Variants in ST3GAL1 observed in about 807,000 individuals in gnomAD.
ST3GAL1 encodes the protein ST3 beta-galactoside alpha-2,3-sialyltransferase 1, also known as CMP-N-acetylneuraminate-beta-galactosamide-alpha-2,3-sialyltransferase 1.
In ST3GAL1, 16 loss-of-function variants were observed where a neutral mutation model predicts 34.1. The ratio of observed to expected loss-of-function variants is 0.47; its 90% CI spans 0.32 to 0.71. The LOEUF is 0.71. ST3GAL1 is among the 30% of genes least tolerant of loss of function. The probability of loss-of-function intolerance (pLI) is 0.04; values close to 1 mark genes in which losing one functional copy is unlikely to be tolerated. For synonymous variants in ST3GAL1, 191 were observed against 184.7 expected (o/e 1.03, Z -0.28); for missense variants, 353 against 447.4 (o/e 0.79, Z 1.90).
At chr8:133,550,841 G>C (rs950626267) in intron 1 of ST3GAL1, among the ~76,000 whole-genome samples, 1 of 152,108 alleles carries the variant, frequency 6.6e-6, no homozygotes, top group African/African-American at 2.4e-5. Flanking sequence ...GCCACCTGAG[G>C]CTCCTTTCTA....
At chr8:133,465,713 C>T in intron 6 of ST3GAL1, 181 bp downstream of exon 6, 1 of 601,500 alleles carries the variant, frequency 1.7e-6, no homozygotes, top group East Asian at 2.9e-5. Flanking sequence ...TCCAATCCTG[C>T]AATGATGCAG....
At chr8:133,532,523 A>T (rs1818186937) in intron 2 of ST3GAL1, among the ~76,000 whole-genome samples, 1 of 152,222 alleles carries the variant, frequency 6.6e-6, no homozygotes, top group African/African-American at 2.4e-5. Context: ...CAAATGAAGT[A>T]CTAAATAAAT....
intron 3 of ST3GAL1, among the ~76,000 whole-genome samples, chr8:133,495,620 G>C (rs1391557095): frequency 6.6e-6 from 1 of 152,160 alleles, no homozygotes; most frequent in East Asian, 1.9e-4. Context: ...TACCTGGGTT[G>C]GGTTTGCAGC....
At chr8:133,520,265 G>T (rs1159939435) in intron 2 of ST3GAL1, among the ~76,000 whole-genome samples, 1 of 152,196 alleles carries the variant, frequency 6.6e-6, no homozygotes, top group Non-Finnish European at 1.5e-5. Context: ...GGGACAACTC[G>T]CAGCGGGGTG....
At chr8:133,522,136 A>G (rs1044874562) in intron 2 of ST3GAL1, among the ~76,000 whole-genome samples, 2 of 152,208 alleles carry the variant, frequency 1.3e-5, no homozygotes, top group Non-Finnish European at 2.9e-5. Flanking sequence ...AGAGCTATAT[A>G]GAATGGGGAA....
In ST3GAL1 at chr8:133,466,204, C is replaced by G. The variant is rs1424284943; in HGVS notation, c.307-114G>C. On this transcript the variant is annotated intron_variant, in intron 5 of 9. Transcript: ENST00000522652. The surrounding 1 kb of genome is among the most constrained non-coding windows in gnomAD (Gnocchi z 4.4). ...CTGGGGCCCTCCTGTTCACCCTTCT[C>G]TCTGCTGGGCCCCCGGAGATGGAGG... is the stretch of plus-strand genomic sequence containing the variant. 7 of 1,071,256 alleles carry G rather than the reference C, an allele frequency of 6.5e-6. No homozygotes were observed. The East Asian group carries it at 1.5e-4, about 24-fold the overall frequency. The allele number at this position is 1,071,256 out of a possible 1,614,324, so 66.4% of individuals were successfully genotyped here.
intron 1 of ST3GAL1, among the ~76,000 whole-genome samples, chr8:133,560,309 T>C (rs1400685775): frequency 6.6e-6 from 1 of 152,066 alleles, no homozygotes; most frequent in Non-Finnish European, 1.5e-5. Context: ...GCATGACAAC[T>C]TATAACAGAA....
At position 133,552,845 on chromosome 8, in the gene ST3GAL1, C is replaced by T. The variant is rs138671698; in HGVS notation, c.-581-6919G>A. On this transcript the variant is annotated intron_variant, in intron 1 of 9. Transcript: ENST00000522652. ...ATAGCAACCATAGGTTAAGTACAGA[C>T]AATGAGGCCAACAGCACGCAAAGCA... Among the ~76,000 whole-genome samples, 80 of 152,300 alleles carry T rather than the reference C, an allele frequency of 5.3e-4. No homozygotes were observed. In the East Asian group the frequency reaches 0.014, roughly 28 times the overall value.
chr8:133,490,180 A>T (rs1816744955), intron 3 of ST3GAL1, among the ~76,000 whole-genome samples: 1 of 152,136 alleles, frequency 6.6e-6, no homozygotes, highest in Admixed American at 6.5e-5. Flanking sequence ...CCTATGAGGG[A>T]GGTGACACCA....
At position 133,547,248 on chromosome 8, in the gene ST3GAL1, G is replaced by A. The variant is rs116900947; in HGVS notation, c.-581-1322C>T. Among the ~76,000 whole-genome samples the A allele has an allele frequency of 1.7e-4, 26 of 152,042 alleles. No individual in the cohort carries two copies. The East Asian group carries it at 4.8e-3, about 28-fold the overall frequency. The stretch of plus-strand genomic sequence containing the variant: ...GCTTTAAAAGTGCTTATACCTAAAA[G>A]TTCCTCTCTCTTGCTGCTGAGAATC... On this transcript the variant is annotated intron_variant, in intron 1 of 9. Coordinates refer to ENST00000522652, the MANE Select transcript of ST3GAL1 (RefSeq NM_173344.3).
rs141215537 is a variant in ST3GAL1 at position 133,561,473 on chromosome 8, G to C, written c.-582+10220C>G. 5.4e-3 allele frequency among the ~76,000 whole-genome samples: 822 copies of C among 152,120 alleles called. 8 individuals carry two copies. The highest frequency in any genetic ancestry group is 0.018 in the African/African-American group (762 of 41,494). ...TCTCTGACATCCTAATGCTAAAGCT[G>C]GTTCTTGGCCAAGTCAGCTTGTGGT... On this transcript the variant is annotated intron_variant, in intron 1 of 9. Coordinates refer to ENST00000522652, the MANE Select transcript of ST3GAL1 (RefSeq NM_173344.3).
chr8:133,500,379 A>G (rs67709527), intron 2 of ST3GAL1, among the ~76,000 whole-genome samples: 5,701 of 152,262 alleles, frequency 0.037, 119 homozygotes, highest in Middle Eastern at 0.075. Flanking sequence ...CTGACTCTCT[A>G]AAGAAACAAC....
intron 8 of ST3GAL1, among the ~76,000 whole-genome samples, chr8:133,462,507 T>C (rs1162167271): frequency 6.6e-6 from 1 of 152,184 alleles, no homozygotes; most frequent in Non-Finnish European, 1.5e-5. Context: ...CTGCCCAATG[T>C]CACACAGCCA....
chr8:133,554,152 A>G (rs1818939600), intron 1 of ST3GAL1, among the ~76,000 whole-genome samples: 1 of 152,182 alleles, frequency 6.6e-6, no homozygotes, highest in South Asian at 2.1e-4. Flanking sequence ...CCTACTAGGT[A>G]CCAGGCACTT....
intron 1 of ST3GAL1, among the ~76,000 whole-genome samples, chr8:133,554,092 G>A (rs1022448484): frequency 2.0e-5 from 3 of 152,188 alleles, no homozygotes; most frequent in African/African-American, 7.2e-5. Context: ...CTCATCAAAG[G>A]TGGAGGATTT....
At chr8:133,517,115 T>C (rs890521174) in intron 2 of ST3GAL1, among the ~76,000 whole-genome samples, 1 of 152,238 alleles carries the variant, frequency 6.6e-6, no homozygotes, top group African/African-American at 2.4e-5. Flanking sequence ...GTTAGGACTT[T>C]ATTGAAACCA....
chr8:133,513,172 G>A (rs2131014631), intron 2 of ST3GAL1, among the ~76,000 whole-genome samples: 1 of 152,180 alleles, frequency 6.6e-6, no homozygotes, highest in East Asian at 1.9e-4. Context: ...ACACCCCTCT[G>A]GAGTGCTACC....
rs577139669 is a variant in ST3GAL1 at position 133,464,125 on chromosome 8, G to T, written c.683+653C>A. 1.4e-4 allele frequency among the ~76,000 whole-genome samples: 21 copies of T among 152,318 alleles called. No homozygotes were observed. In the South Asian group the frequency reaches 4.3e-3, roughly 32 times the overall value. ...CATCAAAACACTTCCCTTCAGTAAG[G>T]GTCAGATGACAGCACAGGCTCTGTG... On this transcript the variant is annotated intron_variant, in intron 7 of 9. Transcript: ENST00000522652.
intron 3 of ST3GAL1, among the ~76,000 whole-genome samples, chr8:133,496,082 C>A (rs1033677237): frequency 2.0e-5 from 3 of 152,186 alleles, no homozygotes; most frequent in Non-Finnish European, 4.4e-5. Context: ...GCTGCCTGCT[C>A]CTTGGAGGGA....
Sources: allele counts gnomAD v4.1 joint callset (sites outside exome capture counted in the v4.1 genomes callset), GRCh38; gene constraint gnomAD v4.1.1; non-coding constraint Gnocchi (gnomAD v3.1); transcripts MANE v1.5; gene names NCBI Gene and HGNC (gene_info 2026-07-23, HGNC 2026-07-21).